ABHD1: variants seen among roughly 807,000 people sequenced by gnomAD.
ABHD1 encodes the protein protein ABHD1.
In ABHD1, 47 loss-of-function variants were observed where a neutral mutation model predicts 41.4. That is an observed-to-expected ratio of 1.13 (90% CI 0.90 to 1.45). ABHD1 has a LOEUF of 1.45. Ranked by LOEUF, ABHD1 falls within the 40% of genes most tolerant of loss-of-function variation. ABHD1 has a pLI of 0.00. For synonymous variants in ABHD1, 205 were observed against 203.7 expected (o/e 1.01, Z -0.05); for missense variants, 550 against 503.4 (o/e 1.09, Z -0.89).
intron 5 of ABHD1, 63 bp from the exon 6 acceptor site, chr2:27,129,691 T>G (rs1672142275): frequency 6.2e-7 from 1 of 1,610,152 alleles, no homozygotes; most frequent in Non-Finnish European, 8.5e-7. Flanking sequence ...CATGTCCCCT[T>G]CCTCTGTCCC....
chr2:27,128,689 C>T (rs1672080656), intron 2 of ABHD1, 88 bp downstream of exon 2: 7 of 1,538,986 alleles, frequency 4.5e-6, no homozygotes, highest in Non-Finnish European at 6.2e-6. Flanking sequence ...GGTAATCTGC[C>T]TCATCTACAT....
chr2:27,127,049 T>A (rs1236144794), intron 1 of ABHD1: 1 of 148,478 alleles, frequency 6.7e-6, no homozygotes, highest in African/African-American at 2.5e-5. Context: ...GAGGCAGAGA[T>A]CTTGCAGTGA....
Position 27,128,950 on chromosome 2 carries a change from T to A in ABHD1, c.281T>A (p.Ile94Asn), listed in dbSNP as rs1672094930. 3.1e-6 allele frequency: 5 copies of A among 1,612,368 alleles called. No homozygotes were observed. The highest frequency in any genetic ancestry group is 4.2e-6 in the Non-Finnish European group (5 of 1,179,400). ...GCCTCTTCCTCCAAAACCAGTGACA[T>A]CCTCCAAACACCAGATGGAGGCCAG... ...SQPLVLYQSD[I>N]LQTPDGGQLL... The change falls in exon 3 of 9, where the codon ATC becomes AAC. Residue 94 changes from isoleucine to asparagine, a missense_variant. Physicochemically the swap from Ile to Asn is moderately radical, Grantham distance 149. Transcript: ENST00000316470.
In ABHD1 at chr2:27,129,785, A is replaced by T; in HGVS notation, c.649A>T (p.Arg217Trp). 6.2e-7 allele frequency: 1 copy of T among 1,614,192 alleles called. No homozygotes were observed. The stretch of plus-strand genomic sequence containing the variant: ...GGTGCTGAATCACCTGGCACAGGCC[A>T]GGCAGGCTGCAGGGCTGGTGGCAGC... ...ILVLNHLAQA[R>W]QAAGLVAALT... is the part of the protein sequence containing the mutation. Residue 217 changes from arginine (R) to tryptophan (W), a missense_variant, in exon 6 of 9, where the codon AGG (arginine) becomes TGG (tryptophan). By Grantham distance (101) the Arg-to-Trp change is moderately radical. Transcript: ENST00000316470.
In ABHD1 at chr2:27,128,574, A is replaced by G. The variant is rs760077009; in HGVS notation, c.248A>G (p.Gln83Arg). ...RLQSIFQVLLQSQPLVLYQSD... is the reference protein window; with the variant it reads ...RLQSIFQVLLRSQPLVLYQSD... ...CAAAGCATCTTCCAAGTCCTCCTGC[A>G]GTCTCAGCCCCTAGTCCTTTATCAG... The change falls in exon 2 of 9, where the codon CAG becomes CGG. Residue 83 changes from glutamine (Q) to arginine (R), a missense_variant. Gln to Arg is a conservative substitution (Grantham distance 43). Transcript: ENST00000316470. The G allele has an allele frequency of 3.1e-6, 5 of 1,614,178 alleles. No individual in the cohort carries two copies. The highest frequency in any genetic ancestry group is 1.3e-5 in the African/African-American group (1 of 75,016).
chr2:27,130,702 T>C lies in ABHD1; in HGVS notation c.1176T>C (p.Pro392=), dbSNP rs772020259. 8 of 1,614,232 alleles carry C rather than the reference T, an allele frequency of 5.0e-6. No individual in the cohort carries two copies. The Admixed American group carries it at 1.3e-4, about 27-fold the overall frequency. The change falls in exon 9 of 9, where the codon CCT becomes CCC. Residue 392 remains proline, a synonymous_variant. Transcript: ENST00000316470. ...KAIFQDPEGL[P]DLRALLPSED... ...TCTTCCAGGACCCAGAGGGGCTGCCTGACCTCAGGGCTCTCTTACCTTCTG... is the reference window on the plus strand; with the variant it reads ...TCTTCCAGGACCCAGAGGGGCTGCCCGACCTCAGGGCTCTCTTACCTTCTG...
At chr2:27,130,185 C>A (rs1416567216) in intron 7 of ABHD1, 32 bp downstream of exon 7, 1 of 1,614,158 alleles carries the variant, frequency 6.2e-7, no homozygotes, top group South Asian at 1.1e-5. Context: ...CTGGTTCCCC[C>A]AAATGAGTCT....
At position 27,127,236 on chromosome 2, in the gene ABHD1, C is replaced by CTTTTTT. The variant is rs61505752; in HGVS notation, c.115-1184_115-1179dup. Among the ~76,000 whole-genome samples the CTTTTTT allele has an allele frequency of 2.5e-3, 206 of 82,742 alleles. 13 individuals carry two copies. Among genetic ancestry groups the CTTTTTT allele is most frequent in the African/African-American group, 8.4e-3 (199 of 23,716 alleles). 54.3% of individuals were successfully genotyped at this position (82,742 alleles called of 152,430 possible). ...TAGGAAGAAGACAGTGTAGCTTCATCTTTTTTTTTTTTTTTTTTTTTTTTT... is the reference window on the plus strand; with the variant it reads ...TAGGAAGAAGACAGTGTAGCTTCATCTTTTTTTTTTTTTTTTTTTTTTTTTTTTTTT... On this transcript the variant is annotated intron_variant, in intron 1 of 8. Transcript: ENST00000316470.
At chr2:27,128,384 C>T (rs1166102814) in intron 1 of ABHD1, 57 bp from the exon 2 acceptor site, 2 of 1,609,466 alleles carry the variant, frequency 1.2e-6, no homozygotes, top group Non-Finnish European at 8.5e-7. Flanking sequence ...GTGTTGGGTG[C>T]CTCACTAGCT....
At chr2:27,124,986 C>G (rs567250933) in intron 1 of ABHD1, 1 of 152,094 alleles carries the variant, frequency 6.6e-6, no homozygotes, top group Admixed American at 6.5e-5. Flanking sequence ...ACTAAAAATA[C>G]AAAAATTAGC....
In ABHD1 at chr2:27,129,640, G is replaced by A; in HGVS notation, c.617+14G>A. On this transcript the variant is annotated intron_variant, in intron 5 of 8. Coordinates refer to ENST00000316470, the MANE Select transcript of ABHD1 (RefSeq NM_032604.4). ...CTCTTTTGGAGGGTAAAGATTGCCT[G>A]GGCTTAGCCCAGAGGCCCAGTCTTC... 6.2e-7 allele frequency: 1 copy of A among 1,611,592 alleles called. No homozygotes were observed. Among genetic ancestry groups the A allele is most frequent in the South Asian group, 1.1e-5 (1 of 91,082 alleles).
chr2:27,129,175 A>G (rs751931329), intron 3 of ABHD1, 48 bp downstream of exon 3: 1 of 1,599,266 alleles, frequency 6.3e-7, no homozygotes, highest in Non-Finnish European at 8.5e-7. Flanking sequence ...GAGAACGTGT[A>G]TTAGGGAGAA....
At chr2:27,126,636 G>C (rs1366212155) in intron 1 of ABHD1, 2 of 152,202 alleles carry the variant, frequency 1.3e-5, no homozygotes, top group Non-Finnish European at 2.9e-5. Context: ...CTGAAAGTCA[G>C]GGCTTAGTGC....
rs763761750 is a variant in ABHD1, at chr2:27,129,319, TGTC to T, written c.465_467del (p.Val156del). The T allele has an allele frequency of 2.5e-6, 4 of 1,614,198 alleles. 1 individual carries two copies. Among genetic ancestry groups the T allele is most frequent in the African/African-American group, 2.7e-5 (2 of 75,056 alleles). On this transcript the variant is annotated inframe_deletion, in exon 4 of 9. Transcript: ENST00000316470. ...GATGTACCTGTGTGTGCCACAGGGC[TGTC>T]GTGTTTAACAACCGGGGCTGCCGTG...
rs1286204518 is a variant in ABHD1, at chr2:27,130,576, G to A, written c.1050G>A (p.Leu350=). Residue 350 remains leucine, a synonymous_variant, in exon 9 of 9, where the codon CTG becomes CTA. Coordinates refer to ENST00000316470, the MANE Select transcript of ABHD1 (RefSeq NM_032604.4). Reference sequence around the variant, plus strand: ...CCCAACACTCCCCCTACGTTGCGCTGCTCATCACAGCCCGGGGTGGCCACA... The same window carrying A: ...CCCAACACTCCCCCTACGTTGCGCTACTCATCACAGCCCGGGGTGGCCACA... The part of the protein sequence containing the change: ...QAAQHSPYVA[L]LITARGGHIG... 2 of 1,614,040 alleles carry A rather than the reference G, an allele frequency of 1.2e-6. No homozygotes were observed. Among genetic ancestry groups the A allele is most frequent in the African/African-American group, 2.7e-5 (2 of 74,934 alleles).
Position 27,129,846 on chromosome 2 carries a change from C to T in ABHD1, c.710C>T (p.Thr237Ile), listed in dbSNP as rs1210340996. The T allele has an allele frequency of 1.9e-6, 3 of 1,614,178 alleles. No individual in the cohort carries two copies. The Admixed American group carries it at 5.0e-5, about 27-fold the overall frequency. ...TLSACWDSFE[T>I]TRSLETPLNS... Reference sequence around the variant, plus strand: ...TCTGCATGCTGGGATTCCTTTGAGACCACTCGCTCCCTGGAAACCCCACTC... The same window carrying T: ...TCTGCATGCTGGGATTCCTTTGAGATCACTCGCTCCCTGGAAACCCCACTC... Residue 237 changes from threonine to isoleucine, a missense_variant, in exon 6 of 9, where the codon ACC becomes ATC. By Grantham distance (89) the Thr-to-Ile change is moderately conservative. Transcript: ENST00000316470.
chr2:27,124,262 G>A (rs1285092379), intron 1 of ABHD1, 200 bp downstream of exon 1: 3 of 677,598 alleles, frequency 4.4e-6, no homozygotes, highest in Non-Finnish European at 8.1e-6. Flanking sequence ...GGCCTTTTGG[G>A]TACCGGAGGG....
chr2:27,129,202 A>T, intron 3 of ABHD1, 75 bp downstream of exon 3: 1 of 1,591,866 alleles, frequency 6.3e-7, no homozygotes, highest in South Asian at 1.1e-5. Flanking sequence ...CCGGACACTG[A>T]TAGATAAGAA....
At chr2:27,128,269 A>T (rs1004429643) in intron 1 of ABHD1, 172 bp from the exon 2 acceptor site, 1 of 763,704 alleles carries the variant, frequency 1.3e-6, no homozygotes, top group Non-Finnish European at 2.2e-6. Flanking sequence ...GCTGGAGTGT[A>T]TTATCAGACT....
Sources: allele counts gnomAD v4.1 joint callset (sites outside exome capture counted in the v4.1 genomes callset), GRCh38; gene constraint gnomAD v4.1.1; transcripts MANE v1.5; gene names NCBI Gene and HGNC (gene_info 2026-07-23, HGNC 2026-07-21).